The following MAP7D3 variants were observed in gnomAD, a reference collection of about 807,000 sequenced individuals.
MAP7D3 encodes the protein MAP7 domain containing 3.
Under a neutral mutation model 62.2 loss-of-function variants are expected in MAP7D3, and 45 were observed. That is an observed-to-expected ratio of 0.72 (90% CI 0.57 to 0.93). The LOEUF (loss-of-function observed/expected upper bound fraction) is 0.93. Ranked by LOEUF, MAP7D3 falls within the 40% of genes least tolerant of loss-of-function variation. The probability of loss-of-function intolerance (pLI) is 0.00; values close to 1 mark genes in which losing one functional copy is unlikely to be tolerated. For missense variants in MAP7D3, 711 were observed against 683.1 expected (o/e 1.04, Z -0.45); for synonymous variants, 288 against 248.8 (o/e 1.16, Z -1.48).
At chrX:136,243,396 T>C (rs147891662) in intron 4 of MAP7D3, among the ~76,000 whole-genome samples, 2,907 of 111,802 alleles carry the variant, frequency 0.026, 89 homozygotes, top group African/African-American at 0.087. Context: ...AAGGCTTATT[T>C]AGGGACACTT....
chrX:136,231,192 A>G (rs2074263427), intron 8 of MAP7D3: 1 of 338,260 alleles, frequency 3.0e-6, no homozygotes, highest in South Asian at 9.3e-5. Context: ...ACAGGTTTAA[A>G]AGAAATATTA....
At chrX:136,243,083 G>C (rs1441031506) in intron 4 of MAP7D3, among the ~76,000 whole-genome samples, 1 of 111,263 alleles carries the variant, frequency 9.0e-6, no homozygotes, top group Admixed American at 9.6e-5. Context: ...CAGGGCTGGA[G>C]AGGAAGCACG....
intron 7 of MAP7D3, among the ~76,000 whole-genome samples, chrX:136,235,246 C>T (rs1305097508): frequency 8.9e-6 from 1 of 112,362 alleles, no homozygotes; most frequent in Non-Finnish European, 1.9e-5. Flanking sequence ...AGTGAATAAA[C>T]ACTTTTGTTA....
chrX:136,251,449 TGGGCGGGGCGGGGCGGGGCG>T (rs3830873), upstream of MAP7D3: 617 of 446,601 alleles, frequency 1.4e-3, 7 homozygotes, highest in African/African-American at 5.8e-3. Context: ...GGGCTGCCGG[TGGGCGGGGCGGGGCGGGGCG>T]GGGCGGGGCG....
intron 4 of MAP7D3, among the ~76,000 whole-genome samples, chrX:136,244,265 G>A (rs1330739327): frequency 9.0e-6 from 1 of 111,478 alleles, no homozygotes; most frequent in East Asian, 2.8e-4. Flanking sequence ...GTCAGACAGT[G>A]GGGTCTGCCC....
intron 10 of MAP7D3, among the ~76,000 whole-genome samples, chrX:136,229,945 A>AT (rs1171133598): frequency 2.0e-3 from 138 of 68,232 alleles, no homozygotes; most frequent in Non-Finnish European, 2.6e-3. Context: ...CATCGGGCTA[A>AT]TTTTTTTTTT....
At chrX:136,255,809 G>T (rs2074548414), upstream of MAP7D3, among the ~76,000 whole-genome samples, 1 of 111,256 alleles carries the variant, frequency 9.0e-6, no homozygotes, top group Admixed American at 9.6e-5. Flanking sequence ...CTGGAATCCT[G>T]CTCGCTTTTT....
upstream of MAP7D3, chrX:136,256,306 C>T (rs534933160): frequency 1.9e-5 from 22 of 1,153,376 alleles, no homozygotes; most frequent in African/African-American, 1.4e-4. Flanking sequence ...AGACTTACCT[C>T]GGGGGCTGGT....
intron 6 of MAP7D3, among the ~76,000 whole-genome samples, chrX:136,239,209 C>A (rs1015525892): frequency 8.9e-6 from 1 of 111,766 alleles, no homozygotes; most frequent in South Asian, 3.8e-4. Flanking sequence ...CCATGTGCTA[C>A]AAGCCAGACA....
intron 10 of MAP7D3, 83 bp from the exon 11 acceptor site, chrX:136,228,841 T>A: frequency 1.3e-6 from 1 of 769,701 alleles, no homozygotes; most frequent in Admixed American, 3.7e-5. Flanking sequence ...ATCCAAAACA[T>A]TAAAATATAT....
intron 1 of MAP7D3, among the ~76,000 whole-genome samples, chrX:136,250,847 T>C (rs2074497602): frequency 9.0e-6 from 1 of 111,479 alleles, no homozygotes; most frequent in Non-Finnish European, 1.9e-5. Flanking sequence ...GCGGAGTCCC[T>C]GCGGGCGCCC....
chrX:136,252,864 C>T (rs1164603641), upstream of MAP7D3, among the ~76,000 whole-genome samples: 2 of 110,308 alleles, frequency 1.8e-5, no homozygotes, highest in Non-Finnish European at 3.8e-5. Flanking sequence ...TTGGGAGGCC[C>T]AGGCAGGTGG....
upstream of MAP7D3, among the ~76,000 whole-genome samples, chrX:136,253,173 A>G (rs984720470): frequency 1.8e-5 from 2 of 112,578 alleles, no homozygotes; most frequent in Non-Finnish European, 3.7e-5. Flanking sequence ...AAGTAAATAC[A>G]GAGACCAATG....
chrX:136,219,944 T>C (rs954731625), intron 16 of MAP7D3, among the ~76,000 whole-genome samples: 7 of 111,015 alleles, frequency 6.3e-5, no homozygotes, highest in Non-Finnish European at 1.3e-4. Context: ...CTCCCTTACA[T>C]TGGTCAAGGA....
At position 136,222,426 on chromosome X, in the gene MAP7D3, C is replaced by A. The variant is rs753724897; in HGVS notation, c.2254G>T (p.Asp752Tyr). ...EEAEADNEES[D>Y]KDSLNEMFPS... ...AACATTTCATTCAATGAGTCCTTGT[C>A]GCTTTCTTCGTTGTCAGCCTCAGCC... Residue 752 changes from aspartate (D) to tyrosine (Y), a missense_variant, in exon 15 of 19, where the codon GAC (aspartate) becomes TAC (tyrosine). Asp to Tyr is a radical substitution (Grantham distance 160). Transcript: ENST00000316077. 2 of 1,207,939 alleles carry A rather than the reference C, an allele frequency of 1.7e-6. No homozygotes were observed. The highest frequency in any genetic ancestry group is 3.5e-5 in the African/African-American group (2 of 57,135).
rs1185348397 is a variant in MAP7D3 at position 136,217,052 on chromosome X, T to G, written c.*1474A>C. ...AAAGAACCAGGGAATCTGAAAGAAT[T>G]ACCTCCTTTTACTAATCCAAGACTG... On this transcript the variant is annotated 3_prime_UTR_variant, in exon 19 of 19. Coordinates refer to ENST00000316077, the MANE Select transcript of MAP7D3 (RefSeq NM_024597.4). 1.8e-5 allele frequency: 2 copies of G among 111,807 alleles called. No individual in the cohort carries two copies. The highest frequency in any genetic ancestry group is 6.5e-5 in the African/African-American group (2 of 30,921). The allele number at this position is 111,807 out of a possible 1,213,427, so 9.2% of individuals were successfully genotyped here. A position where few individuals can be genotyped will look rare whatever the true frequency, so the allele number is the denominator to read the frequency against.
chrX:136,241,015 T>A (rs1027680091), intron 5 of MAP7D3, 145 bp downstream of exon 5: 1 of 346,354 alleles, frequency 2.9e-6, no homozygotes, highest in Admixed American at 5.4e-5. Flanking sequence ...CAATGGCATA[T>A]GACAGAAATT....
intron 6 of MAP7D3, 54 bp from the exon 7 acceptor site, chrX:136,236,393 AGGAG>A: frequency 2.8e-6 from 2 of 702,039 alleles, no homozygotes; most frequent in Non-Finnish European, 4.3e-6. Flanking sequence ...TAATTATCTC[AGGAG>A]TGAGATACTC....
chrX:136,229,963 G>GTATATA lies in MAP7D3; in HGVS notation c.1750+416_1750+421dup, dbSNP rs1314350673. 5.6e-4 allele frequency among the ~76,000 whole-genome samples: 20 copies of GTATATA among 35,961 alleles called. 1 individual carries two copies. The highest frequency in any genetic ancestry group is 1.9e-3 in the African/African-American group (19 of 10,143). 31.2% of individuals were successfully genotyped at this position (35,961 alleles called of 115,157 possible). A position where few individuals can be genotyped will look rare whatever the true frequency, so the allele number is the denominator to read the frequency against. On this transcript the variant is annotated intron_variant, in intron 10 of 18. Transcript: ENST00000316077. ...CGGGCTAATTTTTTTTTTTGTGTGT[G>GTATATA]TATATATATATATATATATATATAT...
Sources: allele counts gnomAD v4.1 joint callset (sites outside exome capture counted in the v4.1 genomes callset), GRCh38; gene constraint gnomAD v4.1.1; transcripts MANE v1.5; gene names NCBI Gene and HGNC (gene_info 2026-07-23, HGNC 2026-07-21).